Variants in SPATA31H1 observed in about 807,000 individuals in gnomAD.
SPATA31H1 encodes the protein SPATA31 subfamily H member 1, also known as spermatogenesis-associated protein 31H1.
At chr2:27,547,405 C>A in the SPATA31H1 span, among the ~76,000 whole-genome samples, 1 of 151,882 alleles carries the variant, frequency 6.6e-6, no homozygotes, top group Non-Finnish European at 1.5e-5. Flanking sequence ...GAACTCTTGA[C>A]CTCAGATGAT....
chr2:27,578,483 G>A, the SPATA31H1 span: 1 of 1,614,018 alleles, frequency 6.2e-7, no homozygotes, highest in Non-Finnish European at 8.5e-7. Flanking sequence ...TACTTCCAAG[G>A]CCACATCTTC....
At chr2:27,542,613 T>C in the SPATA31H1 span, among the ~76,000 whole-genome samples, 31,760 of 151,808 alleles carry the variant, frequency 0.21, 3,677 homozygotes, top group East Asian at 0.36. Context: ...TGAAGACAGA[T>C]ATGGCTATAG....
At chr2:27,551,071 G>A in the SPATA31H1 span, among the ~76,000 whole-genome samples, 7 of 151,882 alleles carry the variant, frequency 4.6e-5, no homozygotes, top group African/African-American at 1.5e-4. Flanking sequence ...TGTATTTTTA[G>A]TAGAGACAGG....
chr2:27,571,260 G>C, the SPATA31H1 span: 3 of 398,284 alleles, frequency 7.5e-6, no homozygotes, highest in Non-Finnish European at 1.3e-5. Context: ...GCTTCAATCT[G>C]AGTTGCTGAC....
At chr2:27,567,867 G>A in the SPATA31H1 span, 1 of 398,914 alleles carries the variant, frequency 2.5e-6, no homozygotes, top group African/African-American at 2.1e-5. Flanking sequence ...TCGGGTCATG[G>A]ATTCAATGGG....
the SPATA31H1 span, chr2:27,581,766 A>G: frequency 2.5e-6 from 4 of 1,612,596 alleles, no homozygotes; most frequent in Admixed American, 1.7e-5. Flanking sequence ...TCCCTCAGAG[A>G]GAAGCCATCA....
chr2:27,580,823 A>G, the SPATA31H1 span: 1 of 1,614,236 alleles, frequency 6.2e-7, no homozygotes, highest in Non-Finnish European at 8.5e-7. Context: ...AGCTAACGCC[A>G]GCAGGCTCAA....
At chr2:27,571,064 G>T in the SPATA31H1 span, 1 of 398,438 alleles carries the variant, frequency 2.5e-6, no homozygotes, top group Admixed American at 4.4e-5. Flanking sequence ...GATCTGAAAA[G>T]CTAACCTCAG....
At chr2:27,541,214 C>G in the SPATA31H1 span, among the ~76,000 whole-genome samples, 1 of 151,780 alleles carries the variant, frequency 6.6e-6, no homozygotes, top group East Asian at 1.9e-4. Flanking sequence ...CAGCAAAACC[C>G]CGTCTCCACC....
the SPATA31H1 span, among the ~76,000 whole-genome samples, chr2:27,543,297 A>G: frequency 4.1e-4 from 62 of 152,176 alleles, 1 homozygote; most frequent in East Asian, 9.6e-3. Context: ...TCCGTTTTTC[A>G]TAAGTTATTT....
At chr2:27,574,019 G>C in the SPATA31H1 span, 3 of 398,340 alleles carry the variant, frequency 7.5e-6, no homozygotes, top group Admixed American at 1.3e-4. Context: ...AGTTTAGAGA[G>C]TTAAACCCCA....
At chr2:27,574,094 A>C in the SPATA31H1 span, 1 of 398,534 alleles carries the variant, frequency 2.5e-6, no homozygotes, top group Non-Finnish European at 4.4e-6. Context: ...AAGGTGTCAA[A>C]TCTACAGACT....
chr2:27,552,853 G>C, the SPATA31H1 span, among the ~76,000 whole-genome samples: 1 of 152,036 alleles, frequency 6.6e-6, no homozygotes, highest in Non-Finnish European at 1.5e-5. Context: ...TAAAAATGGA[G>C]TTGCTTTTAT....
At chr2:27,570,889 C>A in the SPATA31H1 span, 2 of 398,814 alleles carry the variant, frequency 5.0e-6, no homozygotes, top group Non-Finnish European at 8.8e-6. Flanking sequence ...GATGCAGAAT[C>A]CATGGAGTTG....
chr2:27,552,800 C>T, the SPATA31H1 span, among the ~76,000 whole-genome samples: 2 of 151,938 alleles, frequency 1.3e-5, no homozygotes, highest in Non-Finnish European at 2.9e-5. Flanking sequence ...TCTTGCATGT[C>T]CTTGATTAAA....
chr2:27,569,500 A>G, the SPATA31H1 span: 1 of 398,958 alleles, frequency 2.5e-6, no homozygotes, highest in Non-Finnish European at 4.4e-6. Flanking sequence ...AAATCTATGG[A>G]GTTAACCAGT....
At chr2:27,554,149 C>T in the SPATA31H1 span, among the ~76,000 whole-genome samples, 6 of 151,972 alleles carry the variant, frequency 3.9e-5, no homozygotes, top group Non-Finnish European at 8.8e-5. Flanking sequence ...TTCGTGATTA[C>T]TTAGATATTC....
At chr2:27,566,302 C>G in the SPATA31H1 span, 1 of 717,344 alleles carries the variant, frequency 1.4e-6, no homozygotes, top group Admixed American at 2.0e-5. Flanking sequence ...TTCAGAACTC[C>G]CTGTGGGCTG....
chr2:27,569,666 C>A, the SPATA31H1 span: 1 of 398,686 alleles, frequency 2.5e-6, no homozygotes, highest in African/African-American at 2.1e-5. Context: ...TGAATTTAAT[C>A]CAACAGTCAA....
Sources: allele counts gnomAD v4.1 joint callset (sites outside exome capture counted in the v4.1 genomes callset), GRCh38; gene constraint gnomAD v4.1.1; transcripts MANE v1.5; gene names NCBI Gene and HGNC (gene_info 2026-07-23, HGNC 2026-07-21).